The following ADAMTSL3 variants were observed in gnomAD, a reference collection of about 807,000 sequenced individuals.
ADAMTSL3 encodes the protein ADAMTS like 3.
A neutral mutation model predicts 201.7 loss-of-function variants in ADAMTSL3; 128 were observed. The ratio of observed to expected loss-of-function variants is 0.63; its 90% CI spans 0.55 to 0.73. The LOEUF (loss-of-function observed/expected upper bound fraction) is 0.73. ADAMTSL3 is among the 30% of genes least tolerant of loss of function. The pLI is 0.00. For missense variants in ADAMTSL3, 1,990 were observed against 2,119.6 expected (o/e 0.94, Z 1.20); for synonymous variants, 738 against 748.4 (o/e 0.99, Z 0.23).
At chr15:83,704,990 G>C (rs2061828469) in intron 3 of ADAMTSL3, among the ~76,000 whole-genome samples, 1 of 152,052 alleles carries the variant, frequency 6.6e-6, no homozygotes, top group South Asian at 2.1e-4. Context: ...GTGTGTGTGT[G>C]TGTGTGTGTT....
chr15:83,860,450 A>T (rs2064830925), intron 8 of ADAMTSL3, among the ~76,000 whole-genome samples: 2 of 152,156 alleles, frequency 1.3e-5, no homozygotes, highest in African/African-American at 2.4e-5. Flanking sequence ...TATTGTGATG[A>T]TTTCACTCTG....
At chr15:83,846,820 C>A (rs892535752) in intron 7 of ADAMTSL3, among the ~76,000 whole-genome samples, 2 of 152,150 alleles carry the variant, frequency 1.3e-5, no homozygotes, top group Non-Finnish European at 2.9e-5. Flanking sequence ...CTCCTGATTT[C>A]TTAGAGGCAG....
At chr15:83,952,186 A>G (rs976906348) in intron 19 of ADAMTSL3, among the ~76,000 whole-genome samples, 5 of 152,030 alleles carry the variant, frequency 3.3e-5, no homozygotes, top group Non-Finnish European at 7.4e-5. Flanking sequence ...AAAATTTTCA[A>G]TTTCCTTCTT....
intron 17 of ADAMTSL3, among the ~76,000 whole-genome samples, chr15:83,937,780 T>A (rs1257979949): frequency 6.6e-6 from 1 of 151,078 alleles, no homozygotes; most frequent in Non-Finnish European, 1.5e-5. Flanking sequence ...TTTCTAGAAT[T>A]CAAAAATAAT....
chr15:83,989,401 G>A (rs2067543837), intron 22 of ADAMTSL3, among the ~76,000 whole-genome samples: 1 of 152,176 alleles, frequency 6.6e-6, no homozygotes, highest in African/African-American at 2.4e-5. Flanking sequence ...AGCTGCTCAG[G>A]AACTCACTTT....
At chr15:83,709,374 G>T (rs758779100) in intron 3 of ADAMTSL3, among the ~76,000 whole-genome samples, 1 of 152,136 alleles carries the variant, frequency 6.6e-6, no homozygotes, top group African/African-American at 2.4e-5. Flanking sequence ...AGTTTGGGAC[G>T]ACTGGCTAAG....
At chr15:83,748,125 G>A (rs1158339877) in intron 3 of ADAMTSL3, among the ~76,000 whole-genome samples, 12 of 152,142 alleles carry the variant, frequency 7.9e-5, no homozygotes, top group Non-Finnish European at 1.5e-5. Flanking sequence ...TCTAAAGGGA[G>A]TAGCACATCA....
intron 2 of ADAMTSL3, among the ~76,000 whole-genome samples, chr15:83,671,320 G>A (rs545809306): frequency 3.3e-5 from 5 of 152,112 alleles, no homozygotes; most frequent in South Asian, 2.1e-4. Flanking sequence ...CTTCTTTGAC[G>A]TCCTCTTTAC....
intron 19 of ADAMTSL3, chr15:83,962,612 G>A (rs2066993493): frequency 6.6e-6 from 1 of 152,048 alleles, no homozygotes; most frequent in Non-Finnish European, 1.5e-5. Flanking sequence ...TACTATTCAT[G>A]TTACTCTATA....
chr15:83,757,769 C>A (rs2062744606), intron 3 of ADAMTSL3, among the ~76,000 whole-genome samples: 1 of 152,124 alleles, frequency 6.6e-6, no homozygotes, highest in South Asian at 2.1e-4. Flanking sequence ...TTAACAGCAC[C>A]CAAGTAACCT....
chr15:83,854,743 A>T lies in ADAMTSL3; in HGVS notation c.728-4023A>T, dbSNP rs893433248. ...CTTCTTCACTCATTCTTCTGTTTTT[A>T]AAAAAAGGTTTCTGTTTCTTAATTT... On this transcript the variant is annotated intron_variant, in intron 7 of 29. Transcript: ENST00000286744. 2.9e-4 allele frequency among the ~76,000 whole-genome samples: 44 copies of T among 152,266 alleles called. 1 individual carries two copies. Among genetic ancestry groups the T allele is most frequent in the Admixed American group, 2.7e-3 (42 of 15,296 alleles).
chr15:83,677,466 A>G (rs1039111144), intron 2 of ADAMTSL3, among the ~76,000 whole-genome samples: 2 of 151,290 alleles, frequency 1.3e-5, no homozygotes, highest in African/African-American at 2.4e-5. Flanking sequence ...TGTTTGGTGC[A>G]TACACATTTA....
At chr15:83,665,425 G>C (rs2061236663) in intron 2 of ADAMTSL3, among the ~76,000 whole-genome samples, 1 of 152,168 alleles carries the variant, frequency 6.6e-6, no homozygotes, top group Non-Finnish European at 1.5e-5. Flanking sequence ...AGGATCATTA[G>C]AGAGGTTTTC....
At position 84,014,420 on chromosome 15, in the gene ADAMTSL3, A is replaced by G. The variant is rs926711738; in HGVS notation, c.3974-122A>G. 37 of 878,450 alleles carry G rather than the reference A, an allele frequency of 4.2e-5. No individual in the cohort carries two copies. The African/African-American group carries it at 5.7e-4, about 14-fold the overall frequency. The allele number at this position is 878,450 out of a possible 1,614,324, so 54.4% of individuals were successfully genotyped here. A position where few individuals can be genotyped will look rare whatever the true frequency, so the allele number is the denominator to read the frequency against. On this transcript the variant is annotated intron_variant, in intron 23 of 29. Coordinates refer to ENST00000286744, the MANE Select transcript of ADAMTSL3 (RefSeq NM_207517.3). Reference sequence around the variant, plus strand: ...AGAAATAGAAATAGCCATTTTTCCTATTATATATGATTAAACCCATATGCT... The same window carrying G: ...AGAAATAGAAATAGCCATTTTTCCTGTTATATATGATTAAACCCATATGCT...
intron 19 of ADAMTSL3, among the ~76,000 whole-genome samples, chr15:83,969,946 G>A (rs866249181): frequency 1.4e-4 from 21 of 152,126 alleles, no homozygotes; most frequent in Non-Finnish European, 1.0e-4. Context: ...AGGGAACTTC[G>A]GAAAGTGTTG....
chr15:83,838,143 G>A lies in ADAMTSL3; in HGVS notation c.655G>A (p.Val219Ile). Residue 219 changes from valine (V) to isoleucine (I), a missense_variant, in exon 7 of 30, where the codon GTC (valine) becomes ATC (isoleucine). Physicochemically the swap from Val to Ile is conservative, Grantham distance 29. Transcript: ENST00000286744. ...GSNAKEDNCG[V>I]CAGDGSTCRL... ...CAATGCCAAGGAGGACAACTGTGGA[G>A]TCTGTGCCGGCGATGGCTCCACCTG... 6.2e-7 allele frequency: 1 copy of A among 1,613,466 alleles called. No homozygotes were observed. Among genetic ancestry groups the A allele is most frequent in the Non-Finnish European group, 8.5e-7 (1 of 1,179,766 alleles).
At chr15:83,803,407 A>G (rs1467139498) in intron 4 of ADAMTSL3, among the ~76,000 whole-genome samples, 4 of 152,176 alleles carry the variant, frequency 2.6e-5, no homozygotes. Context: ...TTTTATTCCC[A>G]TAGAAATAAA....
chr15:83,763,177 C>T (rs942034243), intron 3 of ADAMTSL3, among the ~76,000 whole-genome samples: 1 of 152,338 alleles, frequency 6.6e-6, no homozygotes, highest in South Asian at 2.1e-4. Context: ...AGGCATGAGC[C>T]ACCACACCTG....
intron 3 of ADAMTSL3, among the ~76,000 whole-genome samples, chr15:83,732,575 T>G (rs2062297568): frequency 6.6e-6 from 1 of 152,178 alleles, no homozygotes; most frequent in Non-Finnish European, 1.5e-5. Flanking sequence ...GCTTTGACAT[T>G]TATTAATGAA....
Sources: gnomAD v4.1 joint callset for allele counts (sites outside exome capture counted in the v4.1 genomes callset) on GRCh38, gnomAD v4.1.1 for gene constraint, MANE v1.5 for transcripts, NCBI Gene and HGNC (gene_info 2026-07-23, HGNC 2026-07-21) for gene names.